Variants in TENT4B observed in about 807,000 individuals in gnomAD.
TENT4B encodes the protein PAP associated domain containing 5.
Under a neutral mutation model 75.0 loss-of-function variants are expected in TENT4B, and 10 were observed. The ratio of observed to expected loss-of-function variants is 0.13; its 90% CI spans 0.08 to 0.23. The LOEUF is 0.23. Ranked by LOEUF, TENT4B falls within the 10% of genes least tolerant of loss-of-function variation. The probability of loss-of-function intolerance (pLI) is 1.00; values close to 1 mark genes in which losing one functional copy is unlikely to be tolerated. For missense variants in TENT4B, 579 were observed against 893.8 expected, an observed-to-expected ratio of 0.65 and a Z score of 4.49; for synonymous variants, 350 against 357.7, an observed-to-expected ratio of 0.98 and a Z score of 0.24.
At chr16:50,191,751 CT>C (rs2038644084) in intron 1 of TENT4B, among the ~76,000 whole-genome samples, 1 of 152,020 alleles carries the variant, frequency 6.6e-6, no homozygotes, top group Non-Finnish European at 1.5e-5. Context: ...GAAACCCTGT[CT>C]CTACTAAAAA....
chr16:50,227,766 T>C (rs1309638704), intron 10 of TENT4B, 73 bp from the exon 11 acceptor site: 6 of 1,539,644 alleles, frequency 3.9e-6, no homozygotes, highest in Non-Finnish European at 4.5e-6. Flanking sequence ...TTAACCAAAA[T>C]TGTTTTTCTT....
At chr16:50,177,480 T>A (rs2038332784) in intron 1 of TENT4B, among the ~76,000 whole-genome samples, 1 of 152,138 alleles carries the variant, frequency 6.6e-6, no homozygotes, top group Non-Finnish European at 1.5e-5. Flanking sequence ...TTCAAGAAAT[T>A]GTTCCATTTC....
chr16:50,219,320 A>G (rs1191677884), intron 5 of TENT4B, among the ~76,000 whole-genome samples: 1 of 152,206 alleles, frequency 6.6e-6, no homozygotes, highest in African/African-American at 2.4e-5. Flanking sequence ...GGAGTAGCAC[A>G]TTATACACAC....
At position 50,234,415 on chromosome 16, in the gene TENT4B, G is replaced by A; in HGVS notation, c.*5087G>A. 2.0e-6 allele frequency: 2 copies of A among 985,458 alleles called. No homozygotes were observed. Among genetic ancestry groups the A allele is most frequent in the Non-Finnish European group, 2.4e-6 (2 of 829,948 alleles). 61.0% of individuals were successfully genotyped at this position (985,458 alleles called of 1,614,324 possible). A position where few individuals can be genotyped will look rare whatever the true frequency, so the allele number is the denominator to read the frequency against. On this transcript the variant is annotated 3_prime_UTR_variant, in exon 12 of 12. Transcript: ENST00000561678. ...GAGGTTAGGCCATGCCTTTCAAAGA[G>A]AGTGAAATGATGGGTTATCAGCCAC... is the stretch of plus-strand genomic sequence containing the variant.
chr16:50,159,599 A>G (rs2037966322), intron 1 of TENT4B, among the ~76,000 whole-genome samples: 1 of 152,140 alleles, frequency 6.6e-6, no homozygotes, highest in Non-Finnish European at 1.5e-5. Flanking sequence ...CTGGGCTCCA[A>G]AGCAATCAGA....
chr16:50,162,459 C>CCTTGCT (rs2038020150), intron 1 of TENT4B, among the ~76,000 whole-genome samples: 1 of 152,152 alleles, frequency 6.6e-6, no homozygotes, highest in Non-Finnish European at 1.5e-5. Flanking sequence ...TTCTCTGCAT[C>CCTTGCT]CTTGCTAGCA....
chr16:50,233,000 T>C lies in TENT4B; in HGVS notation c.*3672T>C. Reference sequence around the variant, plus strand: ...ATTAATGAACAGAAGAATTTATTCTTACCCATCTATTCTTGTTCTCCTAGT... The same window carrying C: ...ATTAATGAACAGAAGAATTTATTCTCACCCATCTATTCTTGTTCTCCTAGT... On this transcript the variant is annotated 3_prime_UTR_variant, in exon 12 of 12. Coordinates refer to ENST00000561678, the MANE Select transcript of TENT4B (RefSeq NM_001365324.3). 2.0e-6 allele frequency: 2 copies of C among 984,442 alleles called. No individual in the cohort carries two copies. Among genetic ancestry groups the C allele is most frequent in the Non-Finnish European group, 2.4e-6 (2 of 829,010 alleles). The allele number at this position is 984,442 out of a possible 1,614,324, so 61.0% of individuals were successfully genotyped here. A position where few individuals can be genotyped will look rare whatever the true frequency, so the allele number is the denominator to read the frequency against.
rs1596764835 is a variant in TENT4B at position 50,230,341 on chromosome 16, C to G, written c.*1013C>G. 14 of 980,094 alleles carry G rather than the reference C, an allele frequency of 1.4e-5. No individual in the cohort carries two copies. The highest frequency in any genetic ancestry group is 1.7e-5 in the Non-Finnish European group (14 of 828,652). The allele number at this position is 980,094 out of a possible 1,614,324, so 60.7% of individuals were successfully genotyped here. On this transcript the variant is annotated 3_prime_UTR_variant, in exon 12 of 12. Transcript: ENST00000561678. ...AAGGTCACCCATGTCTGGTCTCATT[C>G]CTGTTGCAGTGAAACTTCGAGTTCC...
intron 1 of TENT4B, among the ~76,000 whole-genome samples, chr16:50,187,261 G>T (rs1028613277): frequency 1.3e-5 from 2 of 152,064 alleles, no homozygotes; most frequent in African/African-American, 4.8e-5. Flanking sequence ...GATCCATTTT[G>T]AGTTAATTTT....
chr16:50,183,043 A>T (rs111843171), intron 1 of TENT4B, among the ~76,000 whole-genome samples: 44 of 140,900 alleles, frequency 3.1e-4, no homozygotes, highest in South Asian at 9.1e-4. Context: ...TTTTATTTTT[A>T]TTTATTTATT....
chr16:50,192,446 A>C (rs2150710732), intron 1 of TENT4B, among the ~76,000 whole-genome samples: 1 of 152,234 alleles, frequency 6.6e-6, no homozygotes, highest in South Asian at 2.1e-4. Flanking sequence ...TTATGAGTAC[A>C]CAATAGGTGC....
At chr16:50,163,468 C>G (rs977651964) in intron 1 of TENT4B, among the ~76,000 whole-genome samples, 1 of 146,406 alleles carries the variant, frequency 6.8e-6, no homozygotes, top group African/African-American at 2.5e-5. Context: ...CCCACCATCT[C>G]GGCTCACTGC....
intron 1 of TENT4B, among the ~76,000 whole-genome samples, chr16:50,203,536 C>T (rs1330626156): frequency 1.3e-5 from 2 of 152,184 alleles, no homozygotes; most frequent in East Asian, 3.8e-4. Flanking sequence ...TTCTTATCGA[C>T]CTATCTCTGT....
chr16:50,208,996 G>A (rs2031135324), intron 1 of TENT4B, among the ~76,000 whole-genome samples: 1 of 152,236 alleles, frequency 6.6e-6, no homozygotes, highest in Admixed American at 6.5e-5. Flanking sequence ...CTCCCAAAGT[G>A]CTGGGATTAC....
chr16:50,227,458 C>T (rs968331893), intron 10 of TENT4B, among the ~76,000 whole-genome samples: 6 of 152,028 alleles, frequency 3.9e-5, no homozygotes, highest in African/African-American at 1.4e-4. Flanking sequence ...TCATCACAGA[C>T]TCTCAGAGAT....
At chr16:50,183,667 C>T (rs1363808966) in intron 1 of TENT4B, among the ~76,000 whole-genome samples, 3 of 152,068 alleles carry the variant, frequency 2.0e-5, no homozygotes, top group African/African-American at 7.2e-5. Context: ...AGATCACATA[C>T]ACAGGAACTC....
At chr16:50,152,923 G>A (rs750465908), upstream of TENT4B, 8 of 1,484,878 alleles carry the variant, frequency 5.4e-6, no homozygotes, top group East Asian at 2.8e-5. Context: ...CTCCCACAAC[G>A]CGCTCCCTGC....
intron 1 of TENT4B, among the ~76,000 whole-genome samples, chr16:50,189,559 T>G (rs2038599607): frequency 6.6e-6 from 1 of 152,194 alleles, no homozygotes; most frequent in East Asian, 1.9e-4. Flanking sequence ...CTCTATTCTC[T>G]CTGAAATGTC....
intron 1 of TENT4B, among the ~76,000 whole-genome samples, chr16:50,185,178 A>C (rs2150701676): frequency 6.6e-6 from 1 of 152,290 alleles, no homozygotes; most frequent in East Asian, 1.9e-4. Context: ...CATCTAAGTA[A>C]TGACAATTTT....
Sources: gnomAD v4.1 joint callset for allele counts (sites outside exome capture counted in the v4.1 genomes callset) on GRCh38, gnomAD v4.1.1 for gene constraint, MANE v1.5 for transcripts, NCBI Gene and HGNC (gene_info 2026-07-23, HGNC 2026-07-21) for gene names.